The following VPS13B variants were observed in gnomAD, a reference collection of about 807,000 sequenced individuals.
VPS13B encodes vacuolar protein sorting 13 homolog B.
Under a neutral mutation model 426.4 loss-of-function variants are expected in VPS13B, and 285 were observed. The observed-to-expected ratio is 0.67, with a 90% CI of 0.61 to 0.74. The LOEUF is 0.74. VPS13B is among the 30% of genes least tolerant of loss of function. VPS13B has a pLI of 0.00. For synonymous variants in VPS13B, 1,676 were observed against 1,676.4 expected, an observed-to-expected ratio of 1.00 and a Z score of 0.01; for missense variants, 4,537 against 4,782.6, an observed-to-expected ratio of 0.95 and a Z score of 1.51.
chr8:99,472,524 G>T (rs890899941), intron 24 of VPS13B, among the ~76,000 whole-genome samples: 2 of 151,644 alleles, frequency 1.3e-5, no homozygotes, highest in Non-Finnish European at 2.9e-5. Context: ...AAAAAAACTG[G>T]ATAAGCTAAG....
chr8:99,095,245 A>G (rs1330192048), intron 3 of VPS13B, among the ~76,000 whole-genome samples: 2 of 152,200 alleles, frequency 1.3e-5, no homozygotes, highest in South Asian at 2.1e-4. Flanking sequence ...GAATATCTCT[A>G]TAGTTGTTAA....
intron 33 of VPS13B, among the ~76,000 whole-genome samples, chr8:99,627,570 G>T (rs1828666666): frequency 6.6e-6 from 1 of 152,136 alleles, no homozygotes. Context: ...TTTTGGTAGA[G>T]ATGGGGTTTC....
intron 35 of VPS13B, among the ~76,000 whole-genome samples, chr8:99,672,612 T>A (rs917530600): frequency 6.6e-6 from 1 of 152,164 alleles, no homozygotes; most frequent in Admixed American, 6.5e-5. Context: ...AATTCACCTT[T>A]TCCTATTTGG....
chr8:99,221,511 A>T (rs1815721261), intron 17 of VPS13B, among the ~76,000 whole-genome samples: 1 of 152,356 alleles, frequency 6.6e-6, no homozygotes, highest in African/African-American at 2.4e-5. Flanking sequence ...AGGCTTTAAT[A>T]ACTATTTTCT....
chr8:99,622,179 G>A (rs1828386436), intron 33 of VPS13B, among the ~76,000 whole-genome samples: 1 of 152,144 alleles, frequency 6.6e-6, no homozygotes, highest in South Asian at 2.1e-4. Flanking sequence ...CATTGGTATA[G>A]CTCTTTACAA....
At chr8:99,577,747 T>G in intron 33 of VPS13B, 114 bp downstream of exon 33, 1 of 1,365,244 alleles carries the variant, frequency 7.3e-7, no homozygotes, top group Non-Finnish European at 1.0e-6. Flanking sequence ...TGTGTTTAAC[T>G]TTATTCAAAA....
At position 99,275,961 on chromosome 8, in the gene VPS13B, C is replaced by T. The variant is rs74753650; in HGVS notation, c.2824+707C>T. ...ATATAGACATTTGTTTTAAAAGATA[C>T]GTGGTCCACATTTTCTCTCTAGAAG... On this transcript the variant is annotated intron_variant, in intron 19 of 61. Coordinates refer to ENST00000357162, the MANE Select transcript of VPS13B (RefSeq NM_152564.5). Among the ~76,000 whole-genome samples the T allele has an allele frequency of 3.7e-3, 567 of 152,258 alleles. 1 individual carries two copies. Among genetic ancestry groups the T allele is most frequent in the Non-Finnish European group, 5.4e-3 (368 of 67,996 alleles).
intron 17 of VPS13B, among the ~76,000 whole-genome samples, chr8:99,199,406 C>T (rs369304183): frequency 1.8e-4 from 27 of 152,140 alleles, no homozygotes; most frequent in African/African-American, 5.3e-4. Context: ...CTCCTGACCT[C>T]GTGATCCGTC....
At chr8:99,225,273 T>C (rs1473756047) in intron 17 of VPS13B, among the ~76,000 whole-genome samples, 1 of 152,016 alleles carries the variant, frequency 6.6e-6, no homozygotes, top group East Asian at 1.9e-4. Context: ...AACTCTTCTT[T>C]TCTTTTCTTT....
intron 21 of VPS13B, among the ~76,000 whole-genome samples, chr8:99,393,893 G>T (rs2133318195): frequency 6.6e-6 from 1 of 151,906 alleles, no homozygotes; most frequent in Admixed American, 6.6e-5. Context: ...TTCTTTTTTA[G>T]AATAAAAATA....
intron 25 of VPS13B, among the ~76,000 whole-genome samples, chr8:99,484,181 AT>A (rs1820183775): frequency 6.6e-6 from 1 of 152,112 alleles, no homozygotes; most frequent in Non-Finnish European, 1.5e-5. Context: ...AAAGGGGAAA[AT>A]TTTGCTAAAT....
chr8:99,043,608 T>C (rs1843070883), intron 3 of VPS13B, among the ~76,000 whole-genome samples: 1 of 152,156 alleles, frequency 6.6e-6, no homozygotes, highest in East Asian at 1.9e-4. Flanking sequence ...TCATTTGTGG[T>C]CCTCTGATAG....
intron 19 of VPS13B, among the ~76,000 whole-genome samples, chr8:99,378,032 C>G (rs1813584501): frequency 6.6e-6 from 1 of 151,330 alleles, no homozygotes; most frequent in Admixed American, 6.7e-5. Context: ...GCTGGAATTT[C>G]CTAATCCTAG....
At chr8:99,479,774 A>G (rs946097271) in intron 24 of VPS13B, among the ~76,000 whole-genome samples, 3 of 152,182 alleles carry the variant, frequency 2.0e-5, no homozygotes, top group Non-Finnish European at 4.4e-5. Flanking sequence ...TGTCATGTGA[A>G]TGTACTTCAA....
chr8:99,738,665 T>G (rs1476626718), intron 39 of VPS13B, among the ~76,000 whole-genome samples: 1 of 152,228 alleles, frequency 6.6e-6, no homozygotes, highest in African/African-American at 2.4e-5. Context: ...TATCTTTATC[T>G]CTCTAAAGTC....
intron 17 of VPS13B, among the ~76,000 whole-genome samples, chr8:99,216,669 G>C (rs1815408494): frequency 6.6e-6 from 1 of 151,124 alleles, no homozygotes. Context: ...GTAGCTATTG[G>C]ATACTTACAT....
At chr8:99,394,660 A>G (rs1249123283) in intron 21 of VPS13B, among the ~76,000 whole-genome samples, 1 of 152,194 alleles carries the variant, frequency 6.6e-6, no homozygotes, top group East Asian at 1.9e-4. Flanking sequence ...TATAAACCTT[A>G]ATTTGGAATT....
chr8:99,519,139 G>C (rs890501962), intron 29 of VPS13B, among the ~76,000 whole-genome samples: 5 of 152,272 alleles, frequency 3.3e-5, no homozygotes, highest in African/African-American at 9.6e-5. Context: ...CTTTTGAGAA[G>C]TGTCTGTTCA....
At chr8:99,775,508 G>T (rs1397818777) in intron 40 of VPS13B, among the ~76,000 whole-genome samples, 2 of 152,192 alleles carry the variant, frequency 1.3e-5, no homozygotes, top group Non-Finnish European at 2.9e-5. Flanking sequence ...TAGCATTAAT[G>T]CAATCTAGGC....
Sources: allele counts gnomAD v4.1 joint callset (sites outside exome capture counted in the v4.1 genomes callset), GRCh38; gene constraint gnomAD v4.1.1; transcripts MANE v1.5; gene names NCBI Gene and HGNC (gene_info 2026-07-23, HGNC 2026-07-21).